Variants in KLHDC8A observed in about 807,000 individuals in gnomAD.
The protein encoded by KLHDC8A is kelch domain-containing protein 8A.
Under a neutral mutation model 33.1 loss-of-function variants are expected in KLHDC8A, and 21 were observed. That is an observed-to-expected ratio of 0.64 (90% CI 0.45 to 0.91). The LOEUF is 0.91. Ranked by LOEUF, KLHDC8A falls within the 40% of genes least tolerant of loss-of-function variation. The probability of loss-of-function intolerance (pLI) is 0.00; values close to 1 mark genes in which losing one functional copy is unlikely to be tolerated. For missense variants in KLHDC8A, 435 were observed against 483.3 expected, an observed-to-expected ratio of 0.90 and a Z score of 0.94; for synonymous variants, 173 against 193.5, an observed-to-expected ratio of 0.89 and a Z score of 0.88.
At chr1:205,343,888 G>A in intron 1 of KLHDC8A, 95 bp from the exon 2 acceptor site, 1 of 411,754 alleles carries the variant, frequency 2.4e-6, no homozygotes, top group Non-Finnish European at 4.3e-6. Flanking sequence ...AACTTCACTG[G>A]GAAGACGCGG....
At chr1:205,353,199 C>T (rs1409323990) in intron 1 of KLHDC8A, among the ~76,000 whole-genome samples, 1 of 151,984 alleles carries the variant, frequency 6.6e-6, no homozygotes, top group Non-Finnish European at 1.5e-5. Flanking sequence ...TTCTGTATGG[C>T]CTGAAATCTA....
chr1:205,337,308 G>T lies in KLHDC8A; in HGVS notation c.*91C>A. On this transcript the variant is annotated 3_prime_UTR_variant, in exon 6 of 6. Transcript: ENST00000367155. The stretch of plus-strand genomic sequence containing the variant: ...GTTGCTAACAGGAGCTGACATTCTT[G>T]GAAGTAGCCCCGACTGCTTGGACAA... 9.1e-7 allele frequency: 1 copy of T among 1,096,776 alleles called. No homozygotes were observed. The highest frequency in any genetic ancestry group is 1.4e-6 in the Non-Finnish European group (1 of 733,676). 67.9% of individuals were successfully genotyped at this position (1,096,776 alleles called of 1,614,324 possible).
At chr1:205,350,839 G>A (rs1050368072) in intron 1 of KLHDC8A, among the ~76,000 whole-genome samples, 21 of 152,164 alleles carry the variant, frequency 1.4e-4, no homozygotes, top group East Asian at 3.9e-4. Context: ...ATGTGTGTGC[G>A]CGCACGCATG....
At chr1:205,354,577 T>A (rs1442708504) in intron 1 of KLHDC8A, among the ~76,000 whole-genome samples, 1 of 152,168 alleles carries the variant, frequency 6.6e-6, no homozygotes, top group African/African-American at 2.4e-5. Context: ...TGAGAGAAAT[T>A]GGAAGATGGC....
chr1:205,346,992 C>T lies in KLHDC8A; in HGVS notation c.-189-3199G>A, dbSNP rs189471143. On this transcript the variant is annotated intron_variant, in intron 1 of 5. Coordinates refer to ENST00000367155, the MANE Select transcript of KLHDC8A (RefSeq NM_018203.3). ...TACAGGCACCATCTTCTATGCAGACCGTGAGATCTAGGGACTCAGACCCTT... is the reference window on the plus strand; with the variant it reads ...TACAGGCACCATCTTCTATGCAGACTGTGAGATCTAGGGACTCAGACCCTT... Among the ~76,000 whole-genome samples the T allele has an allele frequency of 9.6e-4, 146 of 152,282 alleles. 1 individual carries two copies. The highest frequency in any genetic ancestry group is 3.5e-3 in the African/African-American group (144 of 41,548).
intron 1 of KLHDC8A, among the ~76,000 whole-genome samples, chr1:205,349,091 A>C (rs1480512151): frequency 6.6e-6 from 1 of 152,138 alleles, no homozygotes; most frequent in Non-Finnish European, 1.5e-5. Flanking sequence ...CCTCCTCCCC[A>C]CCAGTCCCAA....
intron 1 of KLHDC8A, among the ~76,000 whole-genome samples, chr1:205,352,893 A>G (rs887384497): frequency 1.3e-5 from 2 of 152,178 alleles, no homozygotes; most frequent in Admixed American, 6.5e-5. Flanking sequence ...CTGCCAGTCC[A>G]TCCCTGCACA....
At chr1:205,338,619 G>T in intron 4 of KLHDC8A, 23 bp from the exon 5 acceptor site, 2 of 1,587,460 alleles carry the variant, frequency 1.3e-6, no homozygotes, top group Non-Finnish European at 1.7e-6. Flanking sequence ...GATAATGGTG[G>T]GTTATATAGA....
rs754046183 is a variant in KLHDC8A at position 205,337,372 on chromosome 1, G to C, written c.*27C>G. ...GTTAAGAGTGAAGTGATATGGTCCA[G>C]GGCAAAGGTACTGAGCCCAGAGACA... On this transcript the variant is annotated 3_prime_UTR_variant, in exon 6 of 6. Coordinates refer to ENST00000367155, the MANE Select transcript of KLHDC8A (RefSeq NM_018203.3). 1 of 1,575,746 alleles carries C rather than the reference G, an allele frequency of 6.3e-7. No individual in the cohort carries two copies. Among genetic ancestry groups the C allele is most frequent in the Non-Finnish European group, 8.7e-7 (1 of 1,146,924 alleles).
intron 5 of KLHDC8A, 104 bp downstream of exon 5, chr1:205,338,391 G>T: frequency 1.2e-6 from 1 of 843,218 alleles, no homozygotes. Flanking sequence ...TGGTAGGCAG[G>T]TGGTCTGCAG....
At chr1:205,341,736 T>C (rs2051140) in intron 2 of KLHDC8A, among the ~76,000 whole-genome samples, 123,819 of 151,622 alleles carry the variant, frequency 0.82, 50,748 homozygotes, top group East Asian at 0.96. Flanking sequence ...CTGCAAGCTC[T>C]GCCTCCCAGG....
At chr1:205,344,096 C>T (rs1014139217) in intron 1 of KLHDC8A, 1 of 152,454 alleles carries the variant, frequency 6.6e-6, no homozygotes, top group Non-Finnish European at 1.5e-5. Flanking sequence ...CGCGCCCCCT[C>T]CCCGCAGTCT....
intron 1 of KLHDC8A, among the ~76,000 whole-genome samples, chr1:205,347,125 A>G (rs964475192): frequency 3.9e-5 from 6 of 152,168 alleles, no homozygotes; most frequent in Non-Finnish European, 8.8e-5. Flanking sequence ...CCGCCAGGTA[A>G]CATCCTTTAG....
At chr1:205,349,986 C>G (rs1055279327) in intron 1 of KLHDC8A, among the ~76,000 whole-genome samples, 1 of 152,160 alleles carries the variant, frequency 6.6e-6, no homozygotes, top group Non-Finnish European at 1.5e-5. Flanking sequence ...CTGGAGTATT[C>G]TGTACTCTTG....
chr1:205,350,453 C>G (rs1451312728), intron 1 of KLHDC8A, among the ~76,000 whole-genome samples: 2 of 152,112 alleles, frequency 1.3e-5, no homozygotes, highest in Non-Finnish European at 2.9e-5. Context: ...TCCCAGGTCA[C>G]CAGGCTGGGG....
At chr1:205,351,602 CAAAAA>C (rs869257465) in intron 1 of KLHDC8A, 27 of 106,846 alleles carry the variant, frequency 2.5e-4, no homozygotes, top group Non-Finnish European at 3.7e-4. Context: ...CTGTAATAGT[CAAAAA>C]AAAAAAAAAA....
chr1:205,338,535 A>G lies in KLHDC8A; in HGVS notation c.819T>C (p.Ala273=). The change falls in exon 5 of 6, where the codon GCT becomes GCC. Residue 273 remains alanine (A), a synonymous_variant. Transcript: ENST00000367155. ...FLKKRRADFV[A]GSLSGRVIVA... is the part of the protein sequence containing the mutation. ...CTATGACCCGTCCACTCAGAGAGCC[A>G]GCCACAAAATCTGCCCGCCGCTTCT... 1 of 1,614,188 alleles carries G rather than the reference A, an allele frequency of 6.2e-7. No individual in the cohort carries two copies. The highest frequency in any genetic ancestry group is 8.5e-7 in the Non-Finnish European group (1 of 1,180,032).
At chr1:205,349,102 C>T (rs1663024739) in intron 1 of KLHDC8A, among the ~76,000 whole-genome samples, 1 of 152,196 alleles carries the variant, frequency 6.6e-6, no homozygotes, top group Non-Finnish European at 1.5e-5. Context: ...CCAGTCCCAA[C>T]ATCAGCCCAG....
rs994771688 is a variant in KLHDC8A, at chr1:205,336,479, ACCCTTCCGC to A, written c.*911_*919del. 5 of 152,614 alleles carry A rather than the reference ACCCTTCCGC, an allele frequency of 3.3e-5. No individual in the cohort carries two copies. Among genetic ancestry groups the A allele is most frequent in the African/African-American group, 1.2e-4 (5 of 41,414 alleles). The allele number at this position is 152,614 out of a possible 1,614,324, so 9.5% of individuals were successfully genotyped here. A position where few individuals can be genotyped will look rare whatever the true frequency, so the allele number is the denominator to read the frequency against. ...TGGGGTCCTCCCTGCCCCTCAAGAC[ACCCTTCCGC>A]CCCATCCCCACACCAGGGTGCTAGA... On this transcript the variant is annotated 3_prime_UTR_variant, in exon 6 of 6. Transcript: ENST00000367155.
Sources: gnomAD v4.1 joint callset for allele counts (sites outside exome capture counted in the v4.1 genomes callset) on GRCh38, gnomAD v4.1.1 for gene constraint, MANE v1.5 for transcripts, NCBI Gene and HGNC (gene_info 2026-07-23, HGNC 2026-07-21) for gene names.